The following CCSER1 variants were observed in gnomAD, a reference collection of about 807,000 sequenced individuals.
CCSER1 encodes coiled-coil serine rich protein 1.
In CCSER1, 41 loss-of-function variants were observed where a neutral mutation model predicts 82.0. The ratio of observed to expected loss-of-function variants is 0.50; its 90% CI spans 0.39 to 0.65. The LOEUF is 0.65. Ranked by LOEUF, CCSER1 falls within the 30% of genes least tolerant of loss-of-function variation. The probability of loss-of-function intolerance (pLI) is 0.00; values close to 1 mark genes in which losing one functional copy is unlikely to be tolerated. For missense variants in CCSER1, 1,119 were observed against 1,064.2 expected (o/e 1.05, Z -0.72); for synonymous variants, 414 against 383.9 (o/e 1.08, Z -0.92).
intron 5 of CCSER1, among the ~76,000 whole-genome samples, chr4:90,541,993 T>C (rs1298951783): frequency 6.6e-6 from 1 of 152,000 alleles, no homozygotes; most frequent in African/African-American, 2.4e-5. Context: ...ATCAATTTAC[T>C]TTTTAGTTTA....
intron 10 of CCSER1, among the ~76,000 whole-genome samples, chr4:91,435,440 C>CA (rs5860233): frequency 0.64 from 92,029 of 144,836 alleles, 29,032 homozygotes; most frequent in East Asian, 0.86. Flanking sequence ...GACCCTGTCT[C>CA]AAAAAAAAAA....
intron 7 of CCSER1, among the ~76,000 whole-genome samples, chr4:90,751,319 G>A (rs1313877044): frequency 6.6e-6 from 1 of 152,078 alleles, no homozygotes; most frequent in Non-Finnish European, 1.5e-5. Flanking sequence ...TAGGTTATGT[G>A]CTACATAAAT....
intron 10 of CCSER1, among the ~76,000 whole-genome samples, chr4:91,185,772 T>G (rs1283527807): frequency 2.0e-5 from 3 of 152,196 alleles, no homozygotes; most frequent in Non-Finnish European, 4.4e-5. Flanking sequence ...TCTCTGAATT[T>G]TTCTACATTC....
At chr4:90,459,656 T>G (rs942191479) in intron 4 of CCSER1, among the ~76,000 whole-genome samples, 2 of 152,168 alleles carry the variant, frequency 1.3e-5, no homozygotes, top group Non-Finnish European at 2.9e-5. Context: ...TTGTAATCTC[T>G]TCTTCTTAAA....
chr4:90,424,819 G>A (rs531172281), intron 4 of CCSER1, among the ~76,000 whole-genome samples: 21 of 152,096 alleles, frequency 1.4e-4, no homozygotes, highest in Non-Finnish European at 2.6e-4. Flanking sequence ...ACAGATCCAA[G>A]ATTAACTTTA....
At chr4:90,749,219 G>A (rs915719025) in intron 7 of CCSER1, among the ~76,000 whole-genome samples, 1 of 151,448 alleles carries the variant, frequency 6.6e-6, no homozygotes, top group African/African-American at 2.4e-5. Context: ...TTTGTATAAG[G>A]TGTAAGGAAG....
chr4:91,484,797 AACTCTTAG>A (rs1389031200), intron 10 of CCSER1, among the ~76,000 whole-genome samples: 16 of 152,256 alleles, frequency 1.1e-4, no homozygotes, highest in African/African-American at 3.9e-4. Flanking sequence ...CTGAATCAGA[AACTCTTAG>A]ACTGGGGTCC....
At chr4:90,829,566 C>T (rs1253636939) in intron 8 of CCSER1, among the ~76,000 whole-genome samples, 1 of 152,094 alleles carries the variant, frequency 6.6e-6, no homozygotes, top group Non-Finnish European at 1.5e-5. Flanking sequence ...AACTTCAGTC[C>T]TTGCCGCCTC....
intron 10 of CCSER1, among the ~76,000 whole-genome samples, chr4:91,319,950 A>G (rs1190421880): frequency 6.6e-6 from 1 of 152,056 alleles, no homozygotes; most frequent in Non-Finnish European, 1.5e-5. Flanking sequence ...AAATTGCACT[A>G]CATTCAGAGT....
intron 10 of CCSER1, among the ~76,000 whole-genome samples, chr4:91,365,094 G>A (rs1374364771): frequency 2.0e-5 from 3 of 152,124 alleles, no homozygotes. Context: ...GCAAGTTTAG[G>A]TAATGGTGCA....
intron 10 of CCSER1, among the ~76,000 whole-genome samples, chr4:91,568,477 G>A (rs1173878575): frequency 1.3e-5 from 2 of 152,060 alleles, no homozygotes; most frequent in East Asian, 1.9e-4. Flanking sequence ...TTCCTTTCTG[G>A]GAAGCCAGTG....
intron 10 of CCSER1, among the ~76,000 whole-genome samples, chr4:91,548,585 T>C (rs1762004864): frequency 6.6e-6 from 1 of 151,980 alleles, no homozygotes; most frequent in South Asian, 2.1e-4. Flanking sequence ...TTGAAAGTCT[T>C]TATTTCTCCT....
At chr4:90,128,488 TGTGTGC>T (rs1211485703) in intron 1 of CCSER1, among the ~76,000 whole-genome samples, 2 of 122,150 alleles carry the variant, frequency 1.6e-5, no homozygotes, top group African/African-American at 6.3e-5. Flanking sequence ...GGCCCCAGGT[TGTGTGC>T]GTGTGTGTGT....
At chr4:90,182,433 TG>T (rs1290540603) in intron 1 of CCSER1, among the ~76,000 whole-genome samples, 1 of 152,148 alleles carries the variant, frequency 6.6e-6, no homozygotes, top group Non-Finnish European at 1.5e-5. Flanking sequence ...GACCAGTCTT[TG>T]TGTTATTCTT....
rs201489889 is a variant in CCSER1 at position 90,723,963 on chromosome 4, C to T, written c.1982C>T (p.Pro661Leu). Residue 661 changes from proline (P) to leucine (L), a missense_variant, in exon 7 of 11, where the codon CCT becomes CTT. Pro to Leu is a moderately conservative substitution (Grantham distance 98). Transcript: ENST00000509176. ...ASSTTSLPVS[P>L]LTEEPVPFKD... is the part of the protein sequence containing the mutation. ...AGTACCACGTCACTTCCTGTTAGTCCTCTTACTGAAGAGCCAGTGCCTTTC... is the reference window on the plus strand; with the variant it reads ...AGTACCACGTCACTTCCTGTTAGTCTTCTTACTGAAGAGCCAGTGCCTTTC... 2.7e-4 allele frequency: 423 copies of T among 1,581,258 alleles called. 5 individuals carry two copies. Among genetic ancestry groups the T allele is most frequent in the Non-Finnish European group, 2.7e-4 (315 of 1,161,852 alleles).
intron 10 of CCSER1, among the ~76,000 whole-genome samples, chr4:91,213,345 G>A (rs952918302): frequency 6.6e-6 from 1 of 152,056 alleles, no homozygotes; most frequent in Non-Finnish European, 1.5e-5. Flanking sequence ...TGCTTTCACA[G>A]AACCTAGAGT....
rs185798074 is a variant in CCSER1 at position 90,600,544 on chromosome 4, C to A, written c.1725-27481C>A. ...GTTAATTGAGATTTTAGAACTCTCTCTATATTTTGGATACATGTCAATTAT... is the reference window on the plus strand; with the variant it reads ...GTTAATTGAGATTTTAGAACTCTCTATATATTTTGGATACATGTCAATTAT... On this transcript the variant is annotated intron_variant, in intron 5 of 10. Coordinates refer to ENST00000509176, the MANE Select transcript of CCSER1 (RefSeq NM_001145065.2). Among the ~76,000 whole-genome samples the A allele has an allele frequency of 4.2e-3, 636 of 152,112 alleles. 2 individuals carry two copies. Among genetic ancestry groups the A allele is most frequent in the Non-Finnish European group, 8.0e-3 (541 of 67,984 alleles).
chr4:90,276,186 TTTTCTTTCTTTCTTTC>T (rs1158531206), intron 1 of CCSER1, among the ~76,000 whole-genome samples: 59 of 113,312 alleles, frequency 5.2e-4, no homozygotes, highest in Non-Finnish European at 6.1e-4. Flanking sequence ...TTGAACACTG[TTTTCTTTCTTTCTTTC>T]TTTCTTTCTT....
In CCSER1 at chr4:91,579,735, G is replaced by A. The variant is rs543394512; in HGVS notation, c.2218-18837G>A. 9.9e-5 allele frequency among the ~76,000 whole-genome samples: 15 copies of A among 151,948 alleles called. 1 individual carries two copies. The South Asian group carries it at 3.1e-3, about 31-fold the overall frequency. On this transcript the variant is annotated intron_variant, in intron 10 of 10. Coordinates refer to ENST00000509176, the MANE Select transcript of CCSER1 (RefSeq NM_001145065.2). ...TTCTGCAATGACTAATACCACATGT[G>A]CAAAGATGAAGGAATGTAGCATGAA...
Sources: gnomAD v4.1 joint callset for allele counts (sites outside exome capture counted in the v4.1 genomes callset) on GRCh38, gnomAD v4.1.1 for gene constraint, MANE v1.5 for transcripts, NCBI Gene and HGNC (gene_info 2026-07-23, HGNC 2026-07-21) for gene names.